MARK4: variants seen among roughly 807,000 people sequenced by gnomAD.
The protein encoded by MARK4 is MAP/microtubule affinity-regulating kinase 4.
A neutral mutation model predicts 81.5 loss-of-function variants in MARK4; 19 were observed. That is an observed-to-expected ratio of 0.23 (90% CI 0.16 to 0.34). The LOEUF is 0.34. Ranked by LOEUF, MARK4 falls within the 10% of genes least tolerant of loss-of-function variation. The probability of loss-of-function intolerance (pLI) is 1.00; values close to 1 mark genes in which losing one functional copy is unlikely to be tolerated. For missense variants in MARK4, 772 were observed against 1,058.8 expected (o/e 0.73, Z 3.76); for synonymous variants, 436 against 439.0 (o/e 0.99, Z 0.08).
At chr19:45,294,571 G>T (rs1970862311) in intron 14 of MARK4, 119 bp downstream of exon 14, 3 of 839,882 alleles carry the variant, frequency 3.6e-6, no homozygotes, top group South Asian at 3.1e-5. Context: ...GAGAGTGAGT[G>T]TATCTGCCCT....
In MARK4 at chr19:45,278,059, A is replaced by T. The variant is rs1371204278; in HGVS notation, c.906+17A>T. On this transcript the variant is annotated intron_variant, in intron 9 of 16. Coordinates refer to ENST00000262891, the MANE Select transcript of MARK4 (RefSeq NM_001199867.2). ...ACTCTCGAGGTGAGCCCAGCCTCAC[A>T]GCCAGCGGGAGCCCTTCTAGTCTCC... The T allele has an allele frequency of 6.2e-7, 1 of 1,612,018 alleles. No individual in the cohort carries two copies. The highest frequency in any genetic ancestry group is 8.5e-7 in the Non-Finnish European group (1 of 1,179,688).
chr19:45,278,225 C>T (rs371975012), intron 9 of MARK4, among the ~76,000 whole-genome samples, 183 bp downstream of exon 9: 3 of 151,998 alleles, frequency 2.0e-5, no homozygotes, highest in Non-Finnish European at 2.9e-5. Flanking sequence ...CCTGTCCTGA[C>T]GCCACCCCCC....
At chr19:45,280,766 T>C in intron 12 of MARK4, 32 bp downstream of exon 12, 1 of 1,610,046 alleles carries the variant, frequency 6.2e-7, no homozygotes, top group Non-Finnish European at 8.5e-7. Flanking sequence ...TCACGCACCC[T>C]CCTTCTCCCC....
Position 45,251,481 on chromosome 19 carries a change from C to G in MARK4, c.-108C>G. ...GGACCCGGGCGTTCTCGGCGCCCAG[C>G]TTTTGAGCTCGCGTCCCCAGGCCGG... is the stretch of plus-strand genomic sequence containing the variant. On this transcript the variant is annotated 5_prime_UTR_variant, in exon 1 of 17. Transcript: ENST00000262891. 1.5e-6 allele frequency: 1 copy of G among 655,608 alleles called. No individual in the cohort carries two copies. 40.6% of individuals were successfully genotyped at this position (655,608 alleles called of 1,614,324 possible).
At position 45,305,204 on chromosome 19, in the gene MARK4, T is replaced by G. The variant is rs1465796571; in HGVS notation, c.*2494T>G. ...TTTGGCTGGCTCAGAAGGTCCCCAC[T>G]GGCGTGTGTGGTCTATGTAGCCTCT... On this transcript the variant is annotated 3_prime_UTR_variant, in exon 17 of 17. Transcript: ENST00000262891. The G allele has an allele frequency of 2.0e-5, 3 of 152,608 alleles. No individual in the cohort carries two copies. Among genetic ancestry groups the G allele is most frequent in the Non-Finnish European group, 4.4e-5 (3 of 68,440 alleles). 9.5% of individuals were successfully genotyped at this position (152,608 alleles called of 1,614,324 possible).
At chr19:45,298,445 C>G (rs1265697776) in intron 15 of MARK4, among the ~76,000 whole-genome samples, 1 of 152,188 alleles carries the variant, frequency 6.6e-6, no homozygotes, top group Non-Finnish European at 1.5e-5. Context: ...GTCTCTGGGC[C>G]TGGTTTTCCT....
At chr19:45,267,185 A>G (rs1032750917) in intron 7 of MARK4, among the ~76,000 whole-genome samples, 13 of 151,830 alleles carry the variant, frequency 8.6e-5, no homozygotes, top group Admixed American at 2.0e-4. Flanking sequence ...CAGCCTCCCG[A>G]GTAGCTGAGG....
chr19:45,258,997 C>A lies in MARK4; in HGVS notation c.60C>A (p.Thr20=). The A allele has an allele frequency of 6.2e-7, 1 of 1,612,544 alleles. No homozygotes were observed. The highest frequency in any genetic ancestry group is 8.5e-7 in the Non-Finnish European group (1 of 1,179,834). Residue 20 remains threonine, a synonymous_variant, in exon 2 of 17, where the codon ACC becomes ACA. Coordinates refer to ENST00000262891, the MANE Select transcript of MARK4 (RefSeq NM_001199867.2). The part of the protein sequence containing the change: ...GNDRNSDTHG[T]LGSGRSSDKG... ...CCATCTCCCCCGCCCAGCATGGCAC[C>A]TTGGGCAGTGGCCGCTCCTCGGACA... is the stretch of plus-strand genomic sequence containing the variant.
chr19:45,264,672 C>A lies in MARK4; in HGVS notation c.356-12C>A. On this transcript the variant is annotated splice_polypyrimidine_tract_variant and intron_variant, in intron 4 of 16. Coordinates refer to ENST00000262891, the MANE Select transcript of MARK4 (RefSeq NM_001199867.2). The stretch of plus-strand genomic sequence containing the variant: ...TCTCCCTAATGCCCTACACTGTTCC[C>A]AACCATTATAGTGAAGCTCTTTGAG... 1.2e-6 allele frequency: 2 copies of A among 1,613,910 alleles called. No individual in the cohort carries two copies. Among genetic ancestry groups the A allele is most frequent in the Non-Finnish European group, 1.7e-6 (2 of 1,179,924 alleles).
At chr19:45,284,629 G>C (rs138257713) in intron 12 of MARK4, among the ~76,000 whole-genome samples, 1 of 151,770 alleles carries the variant, frequency 6.6e-6, no homozygotes, top group Admixed American at 6.6e-5. Context: ...CGCCTGGCCC[G>C]CTCCTAGATT....
Position 45,303,543 on chromosome 19 carries a change from T to G in MARK4, c.*833T>G, listed in dbSNP as rs2123122082. 2 of 152,266 alleles carry G rather than the reference T, an allele frequency of 1.3e-5. No individual in the cohort carries two copies. Among genetic ancestry groups the G allele is most frequent in the East Asian group, 1.9e-4 (1 of 5,180 alleles). 9.4% of individuals were successfully genotyped at this position (152,266 alleles called of 1,614,324 possible). A position where few individuals can be genotyped will look rare whatever the true frequency, so the allele number is the denominator to read the frequency against. On this transcript the variant is annotated 3_prime_UTR_variant, in exon 17 of 17. Transcript: ENST00000262891. The stretch of plus-strand genomic sequence containing the variant: ...GTCGTGGAAGAAGGCAGGATGGAAC[T>G]CGGCCTCATCCCCGAGGCCCCAGTT...
chr19:45,294,557 AC>A, intron 14 of MARK4, 105 bp downstream of exon 14: 1 of 968,884 alleles, frequency 1.0e-6, no homozygotes, highest in Non-Finnish European at 1.6e-6. Flanking sequence ...TGCCATGGGG[AC>A]CAGAGAGTGA....
At chr19:45,291,356 G>A (rs763239670) in intron 13 of MARK4, among the ~76,000 whole-genome samples, 4 of 152,192 alleles carry the variant, frequency 2.6e-5, no homozygotes, top group African/African-American at 4.8e-5. Context: ...ATTCAAGAGT[G>A]CATTGTTAGG....
intron 2 of MARK4, among the ~76,000 whole-genome samples, chr19:45,261,839 A>C (rs1970384514): frequency 6.6e-6 from 1 of 152,042 alleles, no homozygotes; most frequent in African/African-American, 2.4e-5. Context: ...AGGCTGAGGC[A>C]GGAGAATCCC....
chr19:45,281,058 G>T (rs901920161), intron 12 of MARK4, among the ~76,000 whole-genome samples: 1 of 151,154 alleles, frequency 6.6e-6, no homozygotes, highest in Non-Finnish European at 1.5e-5. Flanking sequence ...CCAGCTCCCC[G>T]ATTTTTTTTT....
intron 12 of MARK4, among the ~76,000 whole-genome samples, chr19:45,284,325 CTTTT>C (rs766141024): frequency 7.1e-6 from 1 of 140,484 alleles, no homozygotes; most frequent in Non-Finnish European, 1.6e-5. Flanking sequence ...GATTTCTTTT[CTTTT>C]TTTTTTTTTT....
rs1970657009 is a variant in MARK4, at chr19:45,280,440, A to T, written c.1073A>T (p.Asn358Ile). The change falls in exon 11 of 17, where the codon AAC becomes ATC. Residue 358 changes from asparagine to isoleucine, a missense_variant. By Grantham distance (149) the Asn-to-Ile change is moderately radical (BLOSUM62 -3). Coordinates refer to ENST00000262891, the MANE Select transcript of MARK4 (RefSeq NM_001199867.2). ...IKESLTSQKY[N>I]EVTATYLLLG... ...GAGTCCTTGACCAGCCAGAAGTACA[A>T]CGAAGTGACCGCCACCTACCTCCTG... is the stretch of plus-strand genomic sequence containing the variant. The T allele has an allele frequency of 6.2e-7, 1 of 1,614,066 alleles. No homozygotes were observed. Among genetic ancestry groups the T allele is most frequent in the Non-Finnish European group, 8.5e-7 (1 of 1,180,034 alleles).
At chr19:45,299,063 C>T (rs1970929940) in intron 15 of MARK4, among the ~76,000 whole-genome samples, 2 of 62,536 alleles carry the variant, frequency 3.2e-5, no homozygotes, top group Non-Finnish European at 6.2e-5. Flanking sequence ...GAACCTGTCT[C>T]TAAAAAAAAA....
chr19:45,255,905 C>T (rs1049115584), intron 1 of MARK4, among the ~76,000 whole-genome samples: 1 of 152,248 alleles, frequency 6.6e-6, no homozygotes, highest in Non-Finnish European at 1.5e-5. Flanking sequence ...GAGACAGTCC[C>T]TGGGGCTTCC....
Sources: gnomAD v4.1 joint callset for allele counts (sites outside exome capture counted in the v4.1 genomes callset) on GRCh38, gnomAD v4.1.1 for gene constraint, MANE v1.5 for transcripts, NCBI Gene and HGNC (gene_info 2026-07-23, HGNC 2026-07-21) for gene names.